The following SOS2 variants were observed in gnomAD, a reference collection of about 807,000 sequenced individuals.
SOS2 encodes son of sevenless homolog 2.
SOS2 carries 65 observed loss-of-function variants against 148.2 expected under a neutral mutation model. The observed-to-expected ratio is 0.44, with a 90% CI of 0.36 to 0.54. The LOEUF is 0.54. Among genes scored for constraint, SOS2 ranks in the 20% least tolerant of loss-of-function variants. The pLI is 0.00. For missense variants in SOS2, 1,341 were observed against 1,590.2 expected, an observed-to-expected ratio of 0.84 and a Z score of 2.67; for synonymous variants, 539 against 537.1, an observed-to-expected ratio of 1.00 and a Z score of -0.05.
Position 50,159,659 on chromosome 14 carries a change from G to C in SOS2, c.1624C>G (p.Leu542Val). The part of the protein sequence containing the change: ...KNNWMAALIS[L>V]HYRSTLDRML... ...CGATCTAGAGTACTACGATAATGAA[G>C]AGAAATAAGGGCTGCCATCCAGTTG... Residue 542 changes from leucine to valine, a missense_variant, in exon 10 of 23, where the codon CTT becomes GTT. Around this residue, in one of 4 missense-constraint regions of SOS2, gnomAD observed 574 missense variants for 711.1 expected, o/e 0.81. Coordinates refer to ENST00000216373, the MANE Select transcript of SOS2 (RefSeq NM_006939.4). 1 of 1,613,952 alleles carries C rather than the reference G, an allele frequency of 6.2e-7. No homozygotes were observed. The highest frequency in any genetic ancestry group is 8.5e-7 in the Non-Finnish European group (1 of 1,179,922).
chr14:50,167,427 C>T (rs963551966), intron 8 of SOS2, among the ~76,000 whole-genome samples: 3 of 151,852 alleles, frequency 2.0e-5, no homozygotes, highest in Non-Finnish European at 2.9e-5. Flanking sequence ...TCTAGCTACT[C>T]GGGAAGCTGA....
chr14:50,220,196 C>T (rs1476583790), intron 1 of SOS2, among the ~76,000 whole-genome samples: 1 of 149,734 alleles, frequency 6.7e-6, no homozygotes, highest in African/African-American at 2.5e-5. Context: ...GTCAGGAGAT[C>T]GAGACCATCC....
intron 7 of SOS2, among the ~76,000 whole-genome samples, chr14:50,177,384 T>C (rs1479712358): frequency 6.6e-6 from 1 of 152,182 alleles, no homozygotes. Context: ...TTTAGTTTTA[T>C]TAAGGAAGCA....
rs149829904 is a variant in SOS2, at chr14:50,213,649, C to T, written c.88-9240G>A. ...TTGTGCCACTGCACTCCAGCCTGGC[C>T]GACAGAGTGAGACCCTGTCCCCCCC... is the stretch of plus-strand genomic sequence containing the variant. On this transcript the variant is annotated intron_variant, in intron 1 of 22. Coordinates refer to ENST00000216373, the MANE Select transcript of SOS2 (RefSeq NM_006939.4). Among the ~76,000 whole-genome samples the T allele has an allele frequency of 1.2e-3, 185 of 151,888 alleles. 2 individuals are homozygous for T. Among genetic ancestry groups the T allele is most frequent in the African/African-American group, 3.1e-3 (128 of 41,412 alleles).
intron 21 of SOS2, among the ~76,000 whole-genome samples, chr14:50,129,300 G>T (rs1256244895): frequency 6.6e-6 from 1 of 152,144 alleles, no homozygotes; most frequent in African/African-American, 2.4e-5. Flanking sequence ...TTTGAAAAGG[G>T]TAAGGAAGAA....
intron 4 of SOS2, among the ~76,000 whole-genome samples, chr14:50,198,359 A>G (rs1886380048): frequency 6.6e-6 from 1 of 152,218 alleles, no homozygotes; most frequent in Admixed American, 6.5e-5. Flanking sequence ...AAGTAAAAAA[A>G]AAAAAAAAGT....
chr14:50,186,714 T>C (rs1397510992), intron 5 of SOS2, among the ~76,000 whole-genome samples: 1 of 151,922 alleles, frequency 6.6e-6, no homozygotes, highest in East Asian at 1.9e-4. Flanking sequence ...AAGGGTCAAA[T>C]AAAATAGAAC....
At chr14:50,166,304 C>G (rs1258300961) in intron 8 of SOS2, among the ~76,000 whole-genome samples, 1 of 152,082 alleles carries the variant, frequency 6.6e-6, no homozygotes, top group African/African-American at 2.4e-5. Flanking sequence ...CTCACTGCAT[C>G]CTCGATGTCC....
At chr14:50,201,913 C>T (rs1194905031) in intron 2 of SOS2, among the ~76,000 whole-genome samples, 1 of 152,152 alleles carries the variant, frequency 6.6e-6, no homozygotes, top group Non-Finnish European at 1.5e-5. Context: ...CGTACCTTGA[C>T]AAAAACAATC....
chr14:50,178,666 GTGTGCATATATATATA>G (rs760078091), intron 7 of SOS2, among the ~76,000 whole-genome samples: 28,951 of 69,910 alleles, frequency 0.41, 3,955 homozygotes, highest in Middle Eastern at 0.46. Flanking sequence ...GTGTGTGTGT[GTGTGCATATATATATA>G]TATATATATA....
rs79967450 is a variant in SOS2 at position 50,220,697 on chromosome 14, G to A, written c.87+10500C>T. The stretch of plus-strand genomic sequence containing the variant: ...TGCTCTTAATTAGGTACTTTCAGCA[G>A]GCTTTCACAATGTAAGTTTATTTAA... On this transcript the variant is annotated intron_variant, in intron 1 of 22. Transcript: ENST00000216373. 9.9e-5 allele frequency among the ~76,000 whole-genome samples: 15 copies of A among 152,164 alleles called. No individual in the cohort carries two copies. The East Asian group carries it at 2.9e-3, about 29-fold the overall frequency.
chr14:50,129,175 C>T (rs1883784339), intron 21 of SOS2, among the ~76,000 whole-genome samples: 1 of 151,842 alleles, frequency 6.6e-6, no homozygotes, highest in African/African-American at 2.4e-5. Flanking sequence ...TAGAATAGTG[C>T]TTTACTTAAA....
intron 1 of SOS2, among the ~76,000 whole-genome samples, chr14:50,208,540 C>T (rs10136982): frequency 0.87 from 131,437 of 151,864 alleles, 56,959 homozygotes; most frequent in East Asian, 0.91. Context: ...CCCAGCTACT[C>T]GGGAGGCTGA....
At chr14:50,175,418 A>G (rs1885491490) in intron 7 of SOS2, among the ~76,000 whole-genome samples, 1 of 148,178 alleles carries the variant, frequency 6.7e-6, no homozygotes, top group African/African-American at 2.5e-5. Context: ...ACTCTCCAAT[A>G]GGAGTAATAC....
rs185553895 is a variant in SOS2, at chr14:50,168,682, G to A, written c.1068+5772C>T. On this transcript the variant is annotated intron_variant, in intron 8 of 22. Coordinates refer to ENST00000216373, the MANE Select transcript of SOS2 (RefSeq NM_006939.4). Reference sequence around the variant, plus strand: ...TTCCCATTCTATAGAATGCCGTTTCGTGATACTGTTTTGGCTCAGTACTCA... The same window carrying A: ...TTCCCATTCTATAGAATGCCGTTTCATGATACTGTTTTGGCTCAGTACTCA... 5.9e-5 allele frequency among the ~76,000 whole-genome samples: 9 copies of A among 152,068 alleles called. No homozygotes were observed. The East Asian group carries it at 1.2e-3, about 20-fold the overall frequency.
intron 13 of SOS2, among the ~76,000 whole-genome samples, chr14:50,151,125 T>C (rs1219084754): frequency 1.2e-4 from 18 of 152,144 alleles, no homozygotes; most frequent in African/African-American, 4.3e-4. Flanking sequence ...TCCCAAAGTG[T>C]TGGGATTACA....
At chr14:50,139,379 A>G (rs142704139) in intron 17 of SOS2, among the ~76,000 whole-genome samples, 4 of 152,134 alleles carry the variant, frequency 2.6e-5, no homozygotes, top group Non-Finnish European at 5.9e-5. Context: ...GATATTTAGG[A>G]ATGTCTAGAG....
chr14:50,118,288 TA>T lies in SOS2; in HGVS notation c.*55del, dbSNP rs532306704. The T allele has an allele frequency of 0.013, 16,360 of 1,290,504 alleles. 95 individuals are homozygous for T. The highest frequency in any genetic ancestry group is 0.016 in the Non-Finnish European group (14,868 of 947,824). 79.9% of individuals were successfully genotyped at this position (1,290,504 alleles called of 1,614,324 possible). ...ATACTATGTCTTTTTTTGAATAAAT[TA>T]AAAAAAAAACTTTACAAATACCATT... On this transcript the variant is annotated 3_prime_UTR_variant, in exon 23 of 23. Coordinates refer to ENST00000216373, the MANE Select transcript of SOS2 (RefSeq NM_006939.4).
chr14:50,170,303 A>T (rs1438724572), intron 8 of SOS2, among the ~76,000 whole-genome samples: 1 of 152,126 alleles, frequency 6.6e-6, no homozygotes, highest in African/African-American at 2.4e-5. Flanking sequence ...TTATCTTAAC[A>T]TATAATTCAA....
Sources: gnomAD v4.1 joint callset for allele counts (sites outside exome capture counted in the v4.1 genomes callset) on GRCh38, gnomAD v4.1.1 for gene constraint, gnomAD v4.1.1 regional missense constraint, MANE v1.5 for transcripts, NCBI Gene and HGNC (gene_info 2026-07-23, HGNC 2026-07-21) for gene names.